GUCY1A2: variants seen among roughly 807,000 people sequenced by gnomAD.
The protein encoded by GUCY1A2 is guanylate cyclase soluble subunit alpha-2.
In GUCY1A2, 27 loss-of-function variants were observed where a neutral mutation model predicts 63.5. The ratio of observed to expected loss-of-function variants is 0.43; its 90% CI spans 0.31 to 0.59. The LOEUF is 0.59. Among genes scored for constraint, GUCY1A2 ranks in the 20% least tolerant of loss-of-function variants. The pLI is 0.11. For synonymous variants in GUCY1A2, 364 were observed against 343.5 expected, an observed-to-expected ratio of 1.06 and a Z score of -0.66; for missense variants, 768 against 913.3, an observed-to-expected ratio of 0.84 and a Z score of 2.05.
chr11:107,014,227 T>C (rs1471634730), intron 1 of GUCY1A2, among the ~76,000 whole-genome samples: 1 of 151,878 alleles, frequency 6.6e-6, no homozygotes, highest in Non-Finnish European at 1.5e-5. Context: ...TAGCTGGGAC[T>C]ACAGGTGCAC....
chr11:106,753,534 T>C (rs919818687), intron 6 of GUCY1A2, among the ~76,000 whole-genome samples: 2 of 152,362 alleles, frequency 1.3e-5, no homozygotes, highest in African/African-American at 4.8e-5. Context: ...CTTGAATTAA[T>C]TTTTGTATAA....
chr11:106,756,359 T>C (rs1407128933), intron 6 of GUCY1A2, among the ~76,000 whole-genome samples: 2 of 152,226 alleles, frequency 1.3e-5, no homozygotes, highest in Non-Finnish European at 2.9e-5. Context: ...TTAAGGTTAA[T>C]ACTGTTATGT....
chr11:106,863,458 G>T (rs1859542789), intron 4 of GUCY1A2, among the ~76,000 whole-genome samples: 1 of 152,090 alleles, frequency 6.6e-6, no homozygotes, highest in African/African-American at 2.4e-5. Context: ...TAGATGTGTG[G>T]TGTTATTTCT....
At chr11:106,767,959 A>T (rs1012209261) in intron 6 of GUCY1A2, among the ~76,000 whole-genome samples, 4 of 152,208 alleles carry the variant, frequency 2.6e-5, no homozygotes, top group African/African-American at 9.6e-5. Flanking sequence ...TAATGTAAAT[A>T]TAAAACGTTT....
intron 4 of GUCY1A2, among the ~76,000 whole-genome samples, chr11:106,887,133 AT>A (rs1182510277): frequency 6.6e-6 from 1 of 151,860 alleles, no homozygotes; most frequent in Non-Finnish European, 1.5e-5. Context: ...CCTTCTTACG[AT>A]TTCATGCATA....
intron 7 of GUCY1A2, among the ~76,000 whole-genome samples, chr11:106,691,736 T>C (rs750992747): frequency 2.6e-5 from 4 of 152,246 alleles, no homozygotes; most frequent in Non-Finnish European, 5.9e-5. Context: ...ACAGTTTTTA[T>C]GAAATGGTAT....
chr11:106,923,089 T>C (rs1384223143), intron 4 of GUCY1A2, among the ~76,000 whole-genome samples: 1 of 152,184 alleles, frequency 6.6e-6, no homozygotes, highest in Non-Finnish European at 1.5e-5. Context: ...TCATTAGGGT[T>C]TTCTTTGCAA....
At chr11:106,970,152 GCATAACGATATTAACAAAGAC>G (rs1490985448) in intron 3 of GUCY1A2, among the ~76,000 whole-genome samples, 1 of 152,076 alleles carries the variant, frequency 6.6e-6, no homozygotes, top group Non-Finnish European at 1.5e-5. Context: ...GGTTAGGAGA[GCATAACGATATTAACAAAGAC>G]CATTTGTGGA....
At chr11:106,827,824 C>A in intron 4 of GUCY1A2, 1 of 1,599,094 alleles carries the variant, frequency 6.3e-7, no homozygotes, top group Non-Finnish European at 8.6e-7. Context: ...GCACAAGTGA[C>A]GCCCGCGATG....
chr11:106,986,798 G>T lies in GUCY1A2; in HGVS notation c.304-667C>A, dbSNP rs116228441. Among the ~76,000 whole-genome samples, 891 of 152,204 alleles carry T rather than the reference G, an allele frequency of 5.9e-3. 7 individuals carry two copies. Among genetic ancestry groups the T allele is most frequent in the African/African-American group, 0.021 (860 of 41,516 alleles). On this transcript the variant is annotated intron_variant, in intron 1 of 7. Coordinates refer to ENST00000526355, the MANE Select transcript of GUCY1A2 (RefSeq NM_000855.3). ...CATGTCCCAAGAGAATTCAAGCAAA[G>T]GTTCTTTCTGGAGCATACTGGATGG...
At chr11:106,883,836 T>C (rs1434996824) in intron 4 of GUCY1A2, among the ~76,000 whole-genome samples, 2 of 152,044 alleles carry the variant, frequency 1.3e-5, no homozygotes, top group African/African-American at 4.8e-5. Context: ...GTGGCACACA[T>C]ACACCATGGA....
intron 3 of GUCY1A2, among the ~76,000 whole-genome samples, chr11:106,963,630 A>G (rs1861087910): frequency 6.6e-6 from 1 of 152,184 alleles, no homozygotes; most frequent in Non-Finnish European, 1.5e-5. Flanking sequence ...GGGAGACAGA[A>G]AACAAAACTT....
At chr11:106,763,238 T>A (rs1591266161) in intron 6 of GUCY1A2, among the ~76,000 whole-genome samples, 2 of 152,024 alleles carry the variant, frequency 1.3e-5, no homozygotes, top group Admixed American at 6.6e-5. Context: ...TTCATAACAA[T>A]GTAATTTTTT....
intron 5 of GUCY1A2, among the ~76,000 whole-genome samples, chr11:106,791,326 T>C (rs1246245046): frequency 1.3e-5 from 2 of 152,244 alleles, no homozygotes; most frequent in Non-Finnish European, 1.5e-5. Flanking sequence ...AATTTCTCCA[T>C]GCTTTGCAGC....
At chr11:106,898,243 T>C (rs1860078634) in intron 4 of GUCY1A2, among the ~76,000 whole-genome samples, 1 of 152,200 alleles carries the variant, frequency 6.6e-6, no homozygotes, top group Non-Finnish European at 1.5e-5. Context: ...TTCATTGCTA[T>C]TGGAAATGAA....
chr11:106,963,911 T>C (rs1406045567), intron 3 of GUCY1A2, among the ~76,000 whole-genome samples: 1 of 152,186 alleles, frequency 6.6e-6, no homozygotes, highest in African/African-American at 2.4e-5. Context: ...TTGATATAAG[T>C]TTAAACTTAG....
intron 3 of GUCY1A2, among the ~76,000 whole-genome samples, chr11:106,955,900 T>C (rs1591342562): frequency 1.3e-5 from 2 of 152,248 alleles, no homozygotes; most frequent in East Asian, 1.9e-4. Context: ...TTTTCCAGCT[T>C]GTTTCCATTC....
In GUCY1A2 at chr11:106,885,151, T is replaced by C. The variant is rs572241143; in HGVS notation, c.1206+54309A>G. On this transcript the variant is annotated intron_variant, in intron 4 of 7. Transcript: ENST00000526355. ...CAGTCAGGTGTTGAAAGTGCTTCAT[T>C]TTGCCTTTATGGTGATAACATTTAC... Among the ~76,000 whole-genome samples the C allele has an allele frequency of 2.0e-4, 31 of 152,296 alleles. No individual in the cohort carries two copies. In the East Asian group the frequency reaches 5.2e-3, roughly 26 times the overall value.
chr11:106,704,687 C>T (rs1442268683), intron 7 of GUCY1A2, among the ~76,000 whole-genome samples: 1 of 152,156 alleles, frequency 6.6e-6, no homozygotes, highest in African/African-American at 2.4e-5. Context: ...AGTCTTTCTA[C>T]ACTTTTAGTT....
Sources: gnomAD v4.1 joint callset for allele counts (sites outside exome capture counted in the v4.1 genomes callset) on GRCh38, gnomAD v4.1.1 for gene constraint, MANE v1.5 for transcripts, NCBI Gene and HGNC (gene_info 2026-07-23, HGNC 2026-07-21) for gene names.